The following GOLGA6C variants were observed in gnomAD, a reference collection of about 807,000 sequenced individuals.
The protein encoded by GOLGA6C is golgin subfamily A member 6C.
Under a neutral mutation model 57.5 loss-of-function variants are expected in GOLGA6C, and 3 were observed. The observed-to-expected ratio is 0.05, with a 90% CI of 0.02 to 0.13. The LOEUF (loss-of-function observed/expected upper bound fraction) is 0.13. Among genes scored for constraint, GOLGA6C ranks in the 10% least tolerant of loss-of-function variants. GOLGA6C has a pLI of 1.00. For synonymous variants in GOLGA6C, 32 were observed against 203.8 expected (o/e 0.16, Z 7.18); for missense variants, 88 against 525.6 (o/e 0.17, Z 8.14).
At position 75,270,324 on chromosome 15, in the gene GOLGA6C, G is replaced by T; in HGVS notation, c.*125G>T. 2 of 1,463,760 alleles carry T rather than the reference G, an allele frequency of 1.4e-6. No homozygotes were observed. Among genetic ancestry groups the T allele is most frequent in the Non-Finnish European group, 1.8e-6 (2 of 1,098,470 alleles). The allele number at this position is 1,463,760 out of a possible 1,614,324, so 90.7% of individuals were successfully genotyped here. On this transcript the variant is annotated 3_prime_UTR_variant, in exon 18 of 18. Transcript: ENST00000300576. ...AAATTTAAAACAACAACAACAAAAA[G>T]TTACGGGGTTCATCTCCTACACAAT...
rs1444507570 is a variant in GOLGA6C, at chr15:75,269,395, G to GT, written c.1594-57dup. On this transcript the variant is annotated intron_variant, in intron 14 of 17. Transcript: ENST00000300576. ...TGAGTCCTGGCATGGGCCAAGAAAA[G>GT]TGGGGGCGGGGCAGAACAGGTCACT... The GT allele has an allele frequency of 1.8e-5, 16 of 912,242 alleles. No individual in the cohort carries two copies. The African/African-American group carries it at 2.9e-4, about 16-fold the overall frequency. 56.5% of individuals were successfully genotyped at this position (912,242 alleles called of 1,614,324 possible).
At position 75,265,170 on chromosome 15, in the gene GOLGA6C, A is replaced by C. The variant is rs2141632205; in HGVS notation, c.613A>C (p.Ile205Leu). 1 of 1,598,588 alleles carries C rather than the reference A, an allele frequency of 6.3e-7. No homozygotes were observed. Among genetic ancestry groups the C allele is most frequent in the Admixed American group, 1.7e-5 (1 of 59,492 alleles). Residue 205 changes from isoleucine to leucine, a missense_variant, in exon 8 of 18, where the codon ATA becomes CTA. By Grantham distance (5) the Ile-to-Leu change is conservative (BLOSUM62 2). Coordinates refer to ENST00000300576, the MANE Select transcript of GOLGA6C (RefSeq NM_001164404.2). ...CCTCCAGCGGCGGTTACAGCAGACC[A>C]TAAAGGAGCGGGCGCTGCTGAACGC... is the stretch of plus-strand genomic sequence containing the variant. Reference protein sequence around the residue: ...AVLQRRLQQTIKERALLNAHV... With the variant: ...AVLQRRLQQTLKERALLNAHV...
In GOLGA6C at chr15:75,271,399, AG is replaced by A. The variant is rs1276182813; in HGVS notation, c.*1202del. 7.2e-6 allele frequency among the ~76,000 whole-genome samples: 1 copy of A among 139,726 alleles called. No individual in the cohort carries two copies. The highest frequency in any genetic ancestry group is 2.2e-4 in the East Asian group (1 of 4,564). 91.7% of individuals were successfully genotyped at this position (139,726 alleles called of 152,430 possible). A position where few individuals can be genotyped will look rare whatever the true frequency, so the allele number is the denominator to read the frequency against. ...CCTCTATGTTCATGGAGCTTCTTTG[AG>A]GCTAGAAGATTGATTTTATCATCTA... On this transcript the variant is annotated 3_prime_UTR_variant, in exon 18 of 18. Coordinates refer to ENST00000300576, the MANE Select transcript of GOLGA6C (RefSeq NM_001164404.2).
In GOLGA6C at chr15:75,272,517, C is replaced by A. The variant is rs2070792511; in HGVS notation, c.*2318C>A. 6.6e-6 allele frequency among the ~76,000 whole-genome samples: 1 copy of A among 152,220 alleles called. No individual in the cohort carries two copies. The highest frequency in any genetic ancestry group is 2.4e-5 in the African/African-American group (1 of 41,406). On this transcript the variant is annotated 3_prime_UTR_variant, in exon 18 of 18. Transcript: ENST00000300576. Reference sequence around the variant, plus strand: ...GGTATTTTTATAGTTCAAATCACTTCACTTTTACCCTGATAAATATAAATG... The same window carrying A: ...GGTATTTTTATAGTTCAAATCACTTAACTTTTACCCTGATAAATATAAATG...
rs1319263759 is a variant in GOLGA6C, at chr15:75,258,702, G to T, written c.84+20G>T. 3 of 549,136 alleles carry T rather than the reference G, an allele frequency of 5.5e-6. No individual in the cohort carries two copies. The highest frequency in any genetic ancestry group is 1.0e-5 in the Non-Finnish European group (3 of 298,378). The allele number at this position is 549,136 out of a possible 1,614,324, so 34.0% of individuals were successfully genotyped here. On this transcript the variant is annotated intron_variant, in intron 1 of 17. Transcript: ENST00000300576. ...AAAAAGGTAAAAAGCCAAGAAAAAGGTCATGGCCCCCCAACCTAGCCAGAG... is the reference window on the plus strand; with the variant it reads ...AAAAAGGTAAAAAGCCAAGAAAAAGTTCATGGCCCCCCAACCTAGCCAGAG...
chr15:75,272,703 A>T lies in GOLGA6C; in HGVS notation c.*2504A>T, dbSNP rs1198274122. Among the ~76,000 whole-genome samples, 3 of 151,766 alleles carry T rather than the reference A, an allele frequency of 2.0e-5. No homozygotes were observed. Among genetic ancestry groups the T allele is most frequent in the Non-Finnish European group, 4.4e-5 (3 of 68,052 alleles). The stretch of plus-strand genomic sequence containing the variant: ...TTAACTGAAATACCACTCTTTGTGT[A>T]GGTATTCTGTCATATATTTAAGAAA... On this transcript the variant is annotated 3_prime_UTR_variant, in exon 18 of 18. Transcript: ENST00000300576.
chr15:75,270,126 G>T lies in GOLGA6C; in HGVS notation c.2009G>T (p.Arg670Met). 2.5e-6 allele frequency: 4 copies of T among 1,597,630 alleles called. No homozygotes were observed. The highest frequency in any genetic ancestry group is 2.6e-6 in the Non-Finnish European group (3 of 1,175,254). The change falls in exon 18 of 18, where the codon AGG (arginine) becomes ATG (methionine). Residue 670 changes from arginine (R) to methionine (M), a missense_variant. Physicochemically the swap from Arg to Met is moderately conservative, Grantham distance 91. Coordinates refer to ENST00000300576, the MANE Select transcript of GOLGA6C (RefSeq NM_001164404.2). ...GTGGAGCCTGCACCAGGAGCGGCCAGGGAGGGTTCTCCCCATGACAACCCC... is the reference window on the plus strand; with the variant it reads ...GTGGAGCCTGCACCAGGAGCGGCCATGGAGGGTTCTCCCCATGACAACCCC... ...NNVEPAPGAA[R>M]EGSPHDNPPV...
At position 75,273,215 on chromosome 15, in the gene GOLGA6C, A is replaced by C. The variant is rs1329515572; in HGVS notation, c.*3016A>C. Among the ~76,000 whole-genome samples, 2 of 152,148 alleles carry C rather than the reference A, an allele frequency of 1.3e-5. No individual in the cohort carries two copies. Among genetic ancestry groups the C allele is most frequent in the Non-Finnish European group, 2.9e-5 (2 of 68,054 alleles). ...TTTGAAATAAGTTAAAACACTTTAA[A>C]ATATGAATACTGTAGTTTGAAAGAA... On this transcript the variant is annotated 3_prime_UTR_variant, in exon 18 of 18. Coordinates refer to ENST00000300576, the MANE Select transcript of GOLGA6C (RefSeq NM_001164404.2).
At chr15:75,258,916 C>A (rs1273842861) in intron 1 of GOLGA6C, among the ~76,000 whole-genome samples, 18 of 150,836 alleles carry the variant, frequency 1.2e-4, no homozygotes, top group African/African-American at 4.4e-4. Context: ...CGGATGACTA[C>A]TGGGGATACC....
At chr15:75,259,032 C>T (rs1474351803) in intron 1 of GOLGA6C, among the ~76,000 whole-genome samples, 2 of 149,798 alleles carry the variant, frequency 1.3e-5, no homozygotes, top group Non-Finnish European at 3.0e-5. Context: ...AACCCCCCAG[C>T]ATCGCCAGTC....
In GOLGA6C at chr15:75,270,266, A is replaced by G. The variant is rs878910189; in HGVS notation, c.*67A>G. On this transcript the variant is annotated 3_prime_UTR_variant, in exon 18 of 18. Coordinates refer to ENST00000300576, the MANE Select transcript of GOLGA6C (RefSeq NM_001164404.2). ...CTACCAGGCAGCCGAGAACAGGGAG[A>G]TAAACATCATCATCTTCTAAGAGCT... 38 of 1,557,284 alleles carry G rather than the reference A, an allele frequency of 2.4e-5. 1 individual carries two copies. In the South Asian group the frequency reaches 4.1e-4, roughly 17 times the overall value.
chr15:75,259,010 TCCCCCAGCCCCAAC>T (rs1220889076), intron 1 of GOLGA6C, among the ~76,000 whole-genome samples: 1 of 146,912 alleles, frequency 6.8e-6, no homozygotes, highest in Non-Finnish European at 1.5e-5. Flanking sequence ...AGGACCTGGG[TCCCCCAGCCCCAAC>T]CCCCCAGCAT....
chr15:75,259,139 T>C lies in GOLGA6C; in HGVS notation c.84+457T>C, dbSNP rs1286859388. Among the ~76,000 whole-genome samples, 10 of 152,204 alleles carry C rather than the reference T, an allele frequency of 6.6e-5. No homozygotes were observed. The East Asian group carries it at 1.3e-3, about 21-fold the overall frequency. ...CCAAGCCCGACCTCCCTGGGCTCTC[T>C]GGGCTGGCACCTCCAAGGACCTGGG... On this transcript the variant is annotated intron_variant, in intron 1 of 17. Transcript: ENST00000300576.
Position 75,265,167 on chromosome 15 carries a change from A to G in GOLGA6C, c.610A>G (p.Thr204Ala). The G allele has an allele frequency of 1.9e-6, 3 of 1,598,774 alleles. No homozygotes were observed. Among genetic ancestry groups the G allele is most frequent in the Non-Finnish European group, 2.6e-6 (3 of 1,176,416 alleles). The stretch of plus-strand genomic sequence containing the variant: ...GGTCCTCCAGCGGCGGTTACAGCAG[A>G]CCATAAAGGAGCGGGCGCTGCTGAA... The part of the protein sequence containing the change: ...EAVLQRRLQQ[T>A]IKERALLNAH... Residue 204 changes from threonine (T) to alanine (A), a missense_variant, in exon 8 of 18, where the codon ACC becomes GCC. Coordinates refer to ENST00000300576, the MANE Select transcript of GOLGA6C (RefSeq NM_001164404.2).
chr15:75,264,439 G>GGTGTGTGTGT lies in GOLGA6C; in HGVS notation c.564+385_564+394dup, dbSNP rs368165570. ...ACCATTTCTGTAGAGAGAGGAAAGGGGTGTGTGTGTGTGTGTGTGTGTGTG... is the reference window on the plus strand; with the variant it reads ...ACCATTTCTGTAGAGAGAGGAAAGGGGTGTGTGTGTGTGTGTGTGTGTGTGTGTGTGTGTG... On this transcript the variant is annotated intron_variant, in intron 7 of 17. Coordinates refer to ENST00000300576, the MANE Select transcript of GOLGA6C (RefSeq NM_001164404.2). Among the ~76,000 whole-genome samples, 855 of 117,274 alleles carry GGTGTGTGTGT rather than the reference G, an allele frequency of 7.3e-3. 4 individuals carry two copies. The highest frequency in any genetic ancestry group is 9.7e-3 in the Non-Finnish European group (570 of 58,954). 76.9% of individuals were successfully genotyped at this position (117,274 alleles called of 152,430 possible).
intron 1 of GOLGA6C, among the ~76,000 whole-genome samples, chr15:75,259,073 T>C (rs1328593346): frequency 9.2e-5 from 14 of 151,414 alleles, no homozygotes; most frequent in Admixed American, 9.2e-4. Flanking sequence ...TGGTGACTCC[T>C]GGGGTTCCCT....
Position 75,270,328 on chromosome 15 carries a change from C to G in GOLGA6C, c.*129C>G, listed in dbSNP as rs866239957. ...TTAAAACAACAACAACAAAAAGTTACGGGGTTCATCTCCTACACAATTCAT... is the reference window on the plus strand; with the variant it reads ...TTAAAACAACAACAACAAAAAGTTAGGGGGTTCATCTCCTACACAATTCAT... On this transcript the variant is annotated 3_prime_UTR_variant, in exon 18 of 18. Transcript: ENST00000300576. 1 of 1,443,394 alleles carries G rather than the reference C, an allele frequency of 6.9e-7. No individual in the cohort carries two copies. The highest frequency in any genetic ancestry group is 9.2e-7 in the Non-Finnish European group (1 of 1,082,372). The allele number at this position is 1,443,394 out of a possible 1,614,324, so 89.4% of individuals were successfully genotyped here.
Position 75,272,917 on chromosome 15 carries a change from T to C in GOLGA6C, c.*2718T>C, listed in dbSNP as rs2070795761. ...ATCAGAAACATAGAATTTTAAAGTG[T>C]GGGTTCAACTGAATAAATTTGAATT... On this transcript the variant is annotated 3_prime_UTR_variant, in exon 18 of 18. Coordinates refer to ENST00000300576, the MANE Select transcript of GOLGA6C (RefSeq NM_001164404.2). 6.6e-6 allele frequency among the ~76,000 whole-genome samples: 1 copy of C among 152,034 alleles called. No individual in the cohort carries two copies. Among genetic ancestry groups the C allele is most frequent in the Admixed American group, 6.5e-5 (1 of 15,282 alleles).
chr15:75,273,154 T>C lies in GOLGA6C; in HGVS notation c.*2955T>C, dbSNP rs1264548583. Reference sequence around the variant, plus strand: ...ATCTTAAAGAGTCATTTTAAAAGAATATAACTATTCAAAAATGTAACTGCT... The same window carrying C: ...ATCTTAAAGAGTCATTTTAAAAGAACATAACTATTCAAAAATGTAACTGCT... On this transcript the variant is annotated 3_prime_UTR_variant, in exon 18 of 18. Coordinates refer to ENST00000300576, the MANE Select transcript of GOLGA6C (RefSeq NM_001164404.2). Among the ~76,000 whole-genome samples the C allele has an allele frequency of 1.3e-5, 2 of 152,154 alleles. No homozygotes were observed. The highest frequency in any genetic ancestry group is 4.8e-5 in the African/African-American group (2 of 41,374).
Sources: allele counts gnomAD v4.1 joint callset (sites outside exome capture counted in the v4.1 genomes callset), GRCh38; gene constraint gnomAD v4.1.1; transcripts MANE v1.5; gene names NCBI Gene and HGNC (gene_info 2026-07-23, HGNC 2026-07-21).